Variants in SMARCA4 observed in about 807,000 individuals in gnomAD.
SMARCA4 encodes the protein SWI/SNF related BAF chromatin remodeling complex subunit ATPase 4.
In SMARCA4, 31 loss-of-function variants were observed where a neutral mutation model predicts 193.9. The observed-to-expected ratio is 0.16, with a 90% CI of 0.12 to 0.22. The LOEUF is 0.22. SMARCA4 is among the 10% of genes least tolerant of loss of function. SMARCA4 has a pLI of 1.00. For missense variants in SMARCA4, 1,148 were observed against 2,296.0 expected (o/e 0.50, Z 10.22); for synonymous variants, 942 against 933.1 (o/e 1.01, Z -0.17).
At chr19:10,976,682 A>C (rs950798003) in intron 1 of SMARCA4, among the ~76,000 whole-genome samples, 1 of 151,614 alleles carries the variant, frequency 6.6e-6, no homozygotes, top group Non-Finnish European at 1.5e-5. Flanking sequence ...ACTTGAGCCC[A>C]GAAGTTCAAG....
chr19:11,019,055 G>T lies in SMARCA4; in HGVS notation c.2505+32G>T, dbSNP rs2089628364. ...CACAGCCACTGAGGTTTCCTCTCTT[G>T]CTACGGAGGTGCAGGCGGTGGTGGG... On this transcript the variant is annotated intron_variant, in intron 17 of 34. Coordinates refer to ENST00000344626, the MANE Select transcript of SMARCA4 (RefSeq NM_003072.5). The surrounding 1 kb of genome is among the most constrained non-coding windows in gnomAD (Gnocchi z 6.1). 2 of 1,561,428 alleles carry T rather than the reference G, an allele frequency of 1.3e-6. No individual in the cohort carries two copies. Among genetic ancestry groups the T allele is most frequent in the African/African-American group, 1.4e-5 (1 of 73,870 alleles).
chr19:10,997,185 A>C (rs1386033665), intron 11 of SMARCA4, among the ~76,000 whole-genome samples: 4 of 151,148 alleles, frequency 2.6e-5, no homozygotes, highest in African/African-American at 4.9e-5. Context: ...ACGCCCATTT[A>C]ATTTTATTTT....
At chr19:11,016,166 GT>G (rs1439690328) in intron 16 of SMARCA4, among the ~76,000 whole-genome samples, 1 of 152,078 alleles carries the variant, frequency 6.6e-6, no homozygotes, top group African/African-American at 2.4e-5. Flanking sequence ...GGAGGCGGGG[GT>G]GCCGGGCTCC....
intron 1 of SMARCA4, chr19:10,983,751 G>T (rs887554483): frequency 5.2e-5 from 14 of 271,264 alleles, no homozygotes; most frequent in African/African-American, 2.6e-4. Flanking sequence ...GGCTATTTGA[G>T]CTATAGTCCT....
chr19:11,041,584 G>A lies in SMARCA4; in HGVS notation c.4424+24G>A, dbSNP rs371231226. The A allele has an allele frequency of 3.1e-6, 5 of 1,605,420 alleles. No homozygotes were observed. The highest frequency in any genetic ancestry group is 1.7e-5 in the Admixed American group (1 of 59,952). ...AGGTAAGCGAGGAGGCGGGGAGGGC[G>A]GGGGCTGTAGGGGTCCCCGTGGGAG... On this transcript the variant is annotated intron_variant, in intron 30 of 34. Coordinates refer to ENST00000344626, the MANE Select transcript of SMARCA4 (RefSeq NM_003072.5). The surrounding 1 kb of genome is among the most constrained non-coding windows in gnomAD (Gnocchi z 5.6).
At chr19:11,008,130 G>T (rs2088424165) in intron 14 of SMARCA4, 107 bp downstream of exon 14, 2 of 1,164,526 alleles carry the variant, frequency 1.7e-6, no homozygotes, top group Non-Finnish European at 2.5e-6. Flanking sequence ...GCACTGTCCA[G>T]CCAGCTGCTA....
In SMARCA4 at chr19:10,982,330, T is replaced by C. The variant is rs113814100; in HGVS notation, c.-31-1791T>C. On this transcript the variant is annotated intron_variant, in intron 1 of 34. Coordinates refer to ENST00000344626, the MANE Select transcript of SMARCA4 (RefSeq NM_003072.5). ...CTCTATTAAAAATACAAAAATTAGCTGGGCATGGTGGTGTGTGCTTGTAAT... is the reference window on the plus strand; with the variant it reads ...CTCTATTAAAAATACAAAAATTAGCCGGGCATGGTGGTGTGTGCTTGTAAT... Among the ~76,000 whole-genome samples the C allele has an allele frequency of 5.4e-3, 816 of 151,658 alleles. 14 individuals carry two copies. The highest frequency in any genetic ancestry group is 0.017 in the African/African-American group (700 of 41,416).
chr19:10,961,847 A>C (rs970115400), intron 1 of SMARCA4: 2 of 152,166 alleles, frequency 1.3e-5, no homozygotes, highest in African/African-American at 4.8e-5. Flanking sequence ...TGCTGTGTAA[A>C]AGCATTGCTT....
At position 10,977,392 on chromosome 19, in the gene SMARCA4, C is replaced by T. The variant is rs771561891; in HGVS notation, c.-31-6729C>T. ...AGGCTGGAGTGCAGTGGTGTGATCT[C>T]GGCTCACTGCAGCCTCTGCCTCTCG... On this transcript the variant is annotated intron_variant, in intron 1 of 34. Transcript: ENST00000344626. Among the ~76,000 whole-genome samples the T allele has an allele frequency of 1.7e-4, 26 of 151,036 alleles. 1 individual carries two copies. The highest frequency in any genetic ancestry group is 1.5e-3 in the Admixed American group (23 of 15,164).
At position 11,033,029 on chromosome 19, in the gene SMARCA4, C is replaced by A. The variant is rs2075035997; in HGVS notation, c.3547-261C>A. 2 of 574,166 alleles carry A rather than the reference C, an allele frequency of 3.5e-6. No homozygotes were observed. Among genetic ancestry groups the A allele is most frequent in the Admixed American group, 5.7e-5 (2 of 34,908 alleles). 35.6% of individuals were successfully genotyped at this position (574,166 alleles called of 1,614,324 possible). A position where few individuals can be genotyped will look rare whatever the true frequency, so the allele number is the denominator to read the frequency against. ...TAATCCCCTGGGGGGTTGGTGCTTT[C>A]TTCCCGAATATCTGTGGGGTCCCAA... On this transcript the variant is annotated intron_variant, in intron 25 of 34. Transcript: ENST00000344626. The surrounding 1 kb of genome is among the most constrained non-coding windows in gnomAD (Gnocchi z 9.8).
rs1555773400 is a variant in SMARCA4 at position 11,010,503 on chromosome 19, T to C, written c.2246T>C (p.Met749Thr). The C allele has an allele frequency of 1.2e-6, 2 of 1,614,026 alleles. No homozygotes were observed. Among genetic ancestry groups the C allele is most frequent in the Non-Finnish European group, 8.5e-7 (1 of 1,180,006 alleles). ...TERVDKQSAL[M>T]VNGVLKQYQI... ...AGAGTGGACAAGCAGTCAGCGCTTA[T>C]GGTCAATGGTGTCCTCAAACAGTAC... Residue 749 changes from methionine to threonine, a missense_variant, in exon 15 of 35, where the codon ATG (methionine) becomes ACG (threonine). Transcript: ENST00000344626.
chr19:11,052,189 G>A (rs1203686311), intron 30 of SMARCA4, among the ~76,000 whole-genome samples: 7 of 152,142 alleles, frequency 4.6e-5, no homozygotes, highest in Non-Finnish European at 2.9e-5. Context: ...AAGAAATAAG[G>A]TCAGGAGACA....
chr19:10,974,998 A>G (rs888697882), intron 1 of SMARCA4, among the ~76,000 whole-genome samples: 4 of 146,180 alleles, frequency 2.7e-5, no homozygotes, highest in Non-Finnish European at 4.5e-5. Context: ...ATGCCCAGCC[A>G]TATGCATATA....
rs2086174389 is a variant in SMARCA4 at position 10,987,655 on chromosome 19, C to T, written c.860-11C>T. On this transcript the variant is annotated splice_polypyrimidine_tract_variant and intron_variant, in intron 5 of 34. Coordinates refer to ENST00000344626, the MANE Select transcript of SMARCA4 (RefSeq NM_003072.5). The surrounding 1 kb of genome is among the most constrained non-coding windows in gnomAD (Gnocchi z 5.3). ...CTCAACATGACGCCCTGGCCCCTTGCCTTCTCCCAGGACCCATGGCGAATG... is the reference window on the plus strand; with the variant it reads ...CTCAACATGACGCCCTGGCCCCTTGTCTTCTCCCAGGACCCATGGCGAATG... 3.7e-6 allele frequency: 6 copies of T among 1,613,034 alleles called. No individual in the cohort carries two copies. Among genetic ancestry groups the T allele is most frequent in the Non-Finnish European group, 5.1e-6 (6 of 1,179,750 alleles).
intron 16 of SMARCA4, among the ~76,000 whole-genome samples, 175 bp downstream of exon 16, chr19:11,013,287 C>G (rs2089031605): frequency 6.6e-6 from 1 of 152,224 alleles, no homozygotes; most frequent in Non-Finnish European, 1.5e-5. Flanking sequence ...CCTGAGGCCT[C>G]TCTTCCTGCT....
At chr19:11,037,880 G>A (rs1436673103) in intron 29 of SMARCA4, among the ~76,000 whole-genome samples, 1 of 152,190 alleles carries the variant, frequency 6.6e-6, no homozygotes, top group Non-Finnish European at 1.5e-5. Context: ...TTGTTGAAGA[G>A]ACTATTTTTT....
rs1480729160 is a variant in SMARCA4 at position 11,019,324 on chromosome 19, T to C, written c.2506-267T>C. The C allele has an allele frequency of 1.7e-5, 10 of 605,552 alleles. No individual in the cohort carries two copies. Among genetic ancestry groups the C allele is most frequent in the Non-Finnish European group, 2.4e-5 (8 of 339,496 alleles). 37.5% of individuals were successfully genotyped at this position (605,552 alleles called of 1,614,324 possible). A position where few individuals can be genotyped will look rare whatever the true frequency, so the allele number is the denominator to read the frequency against. On this transcript the variant is annotated intron_variant, in intron 17 of 34. Transcript: ENST00000344626. This position sits in a 1 kb window ranked among gnomAD's most constrained non-coding sequence, Gnocchi z 6.1. ...AGGGGAGCCTGTCAGCCACCAGGAATGTGCAGATGGCGGTGCAGGCTGCGT... is the reference window on the plus strand; with the variant it reads ...AGGGGAGCCTGTCAGCCACCAGGAACGTGCAGATGGCGGTGCAGGCTGCGT...
At chr19:11,004,514 G>A (rs895884490) in intron 13 of SMARCA4, among the ~76,000 whole-genome samples, 1 of 152,228 alleles carries the variant, frequency 6.6e-6, no homozygotes, top group Non-Finnish European at 1.5e-5. Flanking sequence ...GCCTCCCAAA[G>A]TATTGGGATT....
chr19:11,017,961 C>T (rs770681016), intron 16 of SMARCA4, among the ~76,000 whole-genome samples: 11 of 152,232 alleles, frequency 7.2e-5, no homozygotes, highest in South Asian at 2.1e-4. Flanking sequence ...GCAGCAGAAG[C>T]GCAAGGCTGC....
Sources: allele counts gnomAD v4.1 joint callset (sites outside exome capture counted in the v4.1 genomes callset), GRCh38; gene constraint gnomAD v4.1.1; non-coding constraint Gnocchi (gnomAD v3.1); transcripts MANE v1.5; gene names NCBI Gene and HGNC (gene_info 2026-07-23, HGNC 2026-07-21).